Variants in THAP5 observed in about 807,000 individuals in gnomAD.
THAP5 encodes the protein THAP domain-containing protein 5.
Under a neutral mutation model 34.0 loss-of-function variants are expected in THAP5, and 26 were observed. That is an observed-to-expected ratio of 0.77 (90% CI 0.56 to 1.06). THAP5 has a LOEUF of 1.06. Ranked by LOEUF, THAP5 falls within the 50% of genes least tolerant of loss-of-function variation. The pLI is 0.00. For synonymous variants in THAP5, 125 were observed against 153.0 expected (o/e 0.82, Z 1.35); for missense variants, 394 against 452.8 (o/e 0.87, Z 1.18).
At chr7:108,552,722 C>T (rs1009046100), downstream of THAP5, among the ~76,000 whole-genome samples, 19 of 152,244 alleles carry the variant, frequency 1.2e-4, no homozygotes, top group African/African-American at 4.1e-4. Context: ...ATTGCTTGAA[C>T]CCGGGAGGCA....
chr7:108,553,111 C>A (rs576446838), downstream of THAP5, among the ~76,000 whole-genome samples: 1 of 152,276 alleles, frequency 6.6e-6, no homozygotes, highest in South Asian at 2.1e-4. Context: ...GAATCACACA[C>A]AATAGTATTA....
chr7:108,559,543 C>G (rs1752449772), downstream of THAP5, among the ~76,000 whole-genome samples: 1 of 152,156 alleles, frequency 6.6e-6, no homozygotes, highest in Admixed American at 6.5e-5. Context: ...TGTTCCTTCT[C>G]CTTAAGTTTT....
intron 1 of THAP5, 110 bp downstream of exon 1, chr7:108,569,380 C>G (rs1790560798): frequency 6.6e-7 from 1 of 1,525,428 alleles, no homozygotes; most frequent in Admixed American, 2.0e-5. Flanking sequence ...GGGCCACGTA[C>G]GGAGAGCTGA....
downstream of THAP5, among the ~76,000 whole-genome samples, chr7:108,559,455 G>A (rs528461029): frequency 6.6e-6 from 1 of 152,128 alleles, no homozygotes; most frequent in Non-Finnish European, 1.5e-5. Flanking sequence ...CATACTATTC[G>A]TATACATGCC....
At chr7:108,542,989 C>T in the THAP5 span, among the ~76,000 whole-genome samples, 11 of 151,986 alleles carry the variant, frequency 7.2e-5, no homozygotes, top group South Asian at 6.2e-4. Context: ...TGCAGTGGCA[C>T]GATCTCGGCT....
At chr7:108,553,196 G>A (rs1327399304), downstream of THAP5, among the ~76,000 whole-genome samples, 1 of 151,944 alleles carries the variant, frequency 6.6e-6, no homozygotes. Flanking sequence ...TGAGGCCCTC[G>A]ATGCTGCTCT....
At position 108,562,919 on chromosome 7, in the gene THAP5, G is replaced by A. The variant is rs376129336; in HGVS notation, c.*1272C>T. 24 of 151,952 alleles carry A rather than the reference G, an allele frequency of 1.6e-4. No homozygotes were observed. The highest frequency in any genetic ancestry group is 4.6e-4 in the Admixed American group (7 of 15,252). 9.4% of individuals were successfully genotyped at this position (151,952 alleles called of 1,614,324 possible). On this transcript the variant is annotated 3_prime_UTR_variant, in exon 3 of 3. Coordinates refer to ENST00000415914, the MANE Select transcript of THAP5 (RefSeq NM_001130475.3). ...GCTTATAAATTTTAATAAAATATACGTAAGTGGGAATGTACAGTATTAAGT... is the reference window on the plus strand; with the variant it reads ...GCTTATAAATTTTAATAAAATATACATAAGTGGGAATGTACAGTATTAAGT...
At chr7:108,567,023 C>T (rs1790501255) in intron 1 of THAP5, among the ~76,000 whole-genome samples, 1 of 152,110 alleles carries the variant, frequency 6.6e-6, no homozygotes, top group Non-Finnish European at 1.5e-5. Context: ...GTTATACACT[C>T]CCTTCCCGCA....
chr7:108,569,750 G>A (rs192273186), upstream of THAP5: 66 of 768,022 alleles, frequency 8.6e-5, no homozygotes, highest in African/African-American at 5.4e-4. Flanking sequence ...CCGCCTTTTC[G>A]GGGGTTGAAG....
the THAP5 span, among the ~76,000 whole-genome samples, chr7:108,543,881 G>T: frequency 6.6e-6 from 1 of 152,096 alleles, no homozygotes; most frequent in Admixed American, 6.5e-5. Flanking sequence ...AATCATGCCA[G>T]TTTGAGCTAG....
chr7:108,567,191 G>T (rs368937962), intron 1 of THAP5, among the ~76,000 whole-genome samples: 59 of 152,118 alleles, frequency 3.9e-4, no homozygotes, highest in African/African-American at 1.4e-3. Flanking sequence ...ACTACCTTTG[G>T]AAATTCCAAC....
chr7:108,569,147 G>C, intron 1 of THAP5: 1 of 1,119,550 alleles, frequency 8.9e-7, no homozygotes, highest in South Asian at 3.0e-5. Flanking sequence ...CACTTCGCAG[G>C]TTTCACGTAT....
chr7:108,565,267 T>A (rs1288841580), intron 2 of THAP5, 162 bp from the exon 3 acceptor site: 5 of 538,290 alleles, frequency 9.3e-6, no homozygotes, highest in Non-Finnish European at 1.6e-5. Flanking sequence ...CTAAAAAGCA[T>A]TAATCCCATT....
At position 108,565,928 on chromosome 7, in the gene THAP5, C is replaced by G; in HGVS notation, c.175G>C (p.Asp59His). The stretch of plus-strand genomic sequence containing the variant: ...TCAAGAGAGTCAGGAGTAAAATGGT[C>G]ACTACATAGAAACTGGTATTTACTG... ...VPSKYQFLCS[D>H]HFTPDSLDIR... is the part of the protein sequence containing the mutation. The change falls in exon 2 of 3, where the codon GAC becomes CAC. Residue 59 changes from aspartate (D) to histidine (H), a missense_variant. Coordinates refer to ENST00000415914, the MANE Select transcript of THAP5 (RefSeq NM_001130475.3). 3 of 1,550,874 alleles carry G rather than the reference C, an allele frequency of 1.9e-6. No homozygotes were observed. Among genetic ancestry groups the G allele is most frequent in the Non-Finnish European group, 2.6e-6 (3 of 1,146,874 alleles).
At chr7:108,553,427 G>A (rs1208665301), downstream of THAP5, among the ~76,000 whole-genome samples, 1 of 152,162 alleles carries the variant, frequency 6.6e-6, no homozygotes, top group Non-Finnish European at 1.5e-5. Flanking sequence ...CAGCATAACC[G>A]TAATTGCACT....
At chr7:108,546,732 A>C in the THAP5 span, among the ~76,000 whole-genome samples, 1 of 152,184 alleles carries the variant, frequency 6.6e-6, no homozygotes, top group Non-Finnish European at 1.5e-5. Flanking sequence ...TTACCTTTGC[A>C]TGACTTGAGC....
downstream of THAP5, among the ~76,000 whole-genome samples, chr7:108,550,961 G>C (rs1288528714): frequency 6.6e-6 from 1 of 152,032 alleles, no homozygotes; most frequent in African/African-American, 2.4e-5. Context: ...CTTTTTGGGA[G>C]ATTCCTTCAA....
In THAP5 at chr7:108,563,537, C is replaced by CAAAAAAAAAAAA. The variant is rs869034514; in HGVS notation, c.*642_*653dup. On this transcript the variant is annotated 3_prime_UTR_variant, in exon 3 of 3. Transcript: ENST00000415914. ...TGGGTTACAGAGTGAGACTCCATCT[C>CAAAAAAAAAAAA]AAAAAAAAAAAAAAAAAAAAAAAAA... 1 of 68,446 alleles carries CAAAAAAAAAAAA rather than the reference C, an allele frequency of 1.5e-5. No individual in the cohort carries two copies. Among genetic ancestry groups the CAAAAAAAAAAAA allele is most frequent in the Non-Finnish European group, 2.6e-5 (1 of 38,758 alleles). The allele number at this position is 68,446 out of a possible 1,614,324, so 4.2% of individuals were successfully genotyped here.
At chr7:108,544,334 C>A in the THAP5 span, among the ~76,000 whole-genome samples, 26 of 151,910 alleles carry the variant, frequency 1.7e-4, no homozygotes, top group African/African-American at 5.3e-4. Context: ...AGTTCAAGAT[C>A]AGCCTGGCCA....
Sources: allele counts gnomAD v4.1 joint callset (sites outside exome capture counted in the v4.1 genomes callset), GRCh38; gene constraint gnomAD v4.1.1; transcripts MANE v1.5; gene names NCBI Gene and HGNC (gene_info 2026-07-23, HGNC 2026-07-21).